Variants in TJP1 observed in about 807,000 individuals in gnomAD.
The protein encoded by TJP1 is tight junction protein ZO-1.
Under a neutral mutation model 194.2 loss-of-function variants are expected in TJP1, and 43 were observed. The observed-to-expected ratio is 0.22, with a 90% confidence interval of 0.17 to 0.29. The LOEUF (loss-of-function observed/expected upper bound fraction) is 0.29, where lower values mean the gene tolerates loss of function less well. Ranked by LOEUF, TJP1 falls within the 10% of genes least tolerant of loss-of-function variation. The probability of loss-of-function intolerance (pLI) is 1.00; values close to 1 mark genes in which losing one functional copy is unlikely to be tolerated. For synonymous variants in TJP1, 801 were observed against 779.0 expected (o/e 1.03, Z -0.47); for missense variants, 1,971 against 2,185.7 (o/e 0.90, Z 1.96).
intron 10 of TJP1, among the ~76,000 whole-genome samples, chr15:29,738,866 A>T (rs897370775): frequency 2.9e-4 from 2 of 7,000 alleles, no homozygotes; most frequent in Non-Finnish European, 9.0e-4. Flanking sequence ...TGTCACTACT[A>T]AAAAAAAAAA....
Position 29,761,257 on chromosome 15 carries a change from C to A in TJP1, c.892G>T (p.Asp298Tyr). Reference protein sequence around the residue: ...DISEIQSLASDHSGRSHDRPP... With the variant: ...DISEIQSLASYHSGRSHDRPP... ...CTATCGTGTGATCGACCAGAATGAT[C>A]TGATGCCAGTGACTGAATTTCTGAA... The change falls in exon 8 of 28, where the codon GAT becomes TAT. Residue 298 changes from aspartate (D) to tyrosine (Y), a missense_variant. Asp to Tyr is a radical substitution (Grantham distance 160). Around this residue, in one of 5 missense-constraint regions of TJP1, gnomAD observed 192 missense variants for 182.3 expected, o/e 1.05. Transcript: ENST00000614355. The A allele has an allele frequency of 6.2e-7, 1 of 1,613,920 alleles. No individual in the cohort carries two copies. The highest frequency in any genetic ancestry group is 8.5e-7 in the Non-Finnish European group (1 of 1,179,962).
At position 29,719,226 on chromosome 15, in the gene TJP1, T is replaced by C. The variant is rs922947052; in HGVS notation, c.3004-88A>G. 1.3e-5 allele frequency: 17 copies of C among 1,336,636 alleles called. No homozygotes were observed. In the African/African-American group the frequency reaches 2.1e-4, roughly 16 times the overall value. 82.8% of individuals were successfully genotyped at this position (1,336,636 alleles called of 1,614,324 possible). A position where few individuals can be genotyped will look rare whatever the true frequency, so the allele number is the denominator to read the frequency against. On this transcript the variant is annotated intron_variant, in intron 20 of 27. Transcript: ENST00000614355. ...ACTGTGATTAAATATTAAACTACGA[T>C]TTAATATGTGAAAATGGTATGTTTT...
intron 2 of TJP1, among the ~76,000 whole-genome samples, chr15:29,946,495 T>C (rs1278597526): frequency 3.3e-5 from 5 of 152,258 alleles, no homozygotes; most frequent in African/African-American, 7.2e-5. Flanking sequence ...CCTCAGGGCA[T>C]GCGCCCTGAT....
intron 1 of TJP1, among the ~76,000 whole-genome samples, chr15:29,817,510 C>A (rs1162678905): frequency 6.6e-6 from 1 of 152,134 alleles, no homozygotes; most frequent in Non-Finnish European, 1.5e-5. Flanking sequence ...ATAAATCATT[C>A]TCCTATAAAG....
At chr15:29,912,725 A>AAAAG (rs2054060251) in intron 2 of TJP1, among the ~76,000 whole-genome samples, 1 of 129,306 alleles carries the variant, frequency 7.7e-6, no homozygotes, top group Non-Finnish European at 1.7e-5. Context: ...AAAAAAAAAG[A>AAAAG]GGGAGCTTGG....
chr15:29,772,289 C>A, intron 3 of TJP1, 123 bp from the exon 4 acceptor site: 1 of 593,220 alleles, frequency 1.7e-6, no homozygotes, highest in South Asian at 2.4e-5. Flanking sequence ...ATTAATTTCT[C>A]TTCAGATCAA....
At chr15:29,920,964 T>C (rs1024891936) in intron 2 of TJP1, among the ~76,000 whole-genome samples, 1 of 152,130 alleles carries the variant, frequency 6.6e-6, no homozygotes, top group African/African-American at 2.4e-5. Context: ...GTAAAACATG[T>C]GAAATGGACA....
intron 18 of TJP1, among the ~76,000 whole-genome samples, chr15:29,723,540 G>A (rs79096051): frequency 2.0e-5 from 3 of 152,130 alleles, no homozygotes; most frequent in Non-Finnish European, 4.4e-5. Context: ...TAAGTTACCC[G>A]GTCTCAGGTA....
upstream of TJP1, among the ~76,000 whole-genome samples, chr15:29,826,712 T>TACTA (rs1567110541): frequency 6.6e-6 from 1 of 152,034 alleles, no homozygotes. Flanking sequence ...TCAAGCGTCT[T>TACTA]CTAGTGTTTC....
chr15:29,884,771 C>T (rs1047509376), intron 2 of TJP1, among the ~76,000 whole-genome samples: 12 of 152,086 alleles, frequency 7.9e-5, no homozygotes, highest in Non-Finnish European at 2.9e-5. Flanking sequence ...CAAAGAGGTA[C>T]AGTTCAAGGA....
chr15:29,870,988 G>C (rs1355327467), intron 2 of TJP1, among the ~76,000 whole-genome samples: 1 of 152,236 alleles, frequency 6.6e-6, no homozygotes, highest in Non-Finnish European at 1.5e-5. Context: ...CCAGGACACA[G>C]AGGGCTTCCC....
Position 29,701,060 on chromosome 15 carries a change from T to C in TJP1, c.*535A>G, listed in dbSNP as rs2041511519. The C allele has an allele frequency of 6.5e-6, 1 of 153,564 alleles. No homozygotes were observed. Among genetic ancestry groups the C allele is most frequent in the African/African-American group, 2.4e-5 (1 of 41,486 alleles). 9.5% of individuals were successfully genotyped at this position (153,564 alleles called of 1,614,324 possible). On this transcript the variant is annotated 3_prime_UTR_variant, in exon 28 of 28. Coordinates refer to ENST00000614355, the MANE Select transcript of TJP1 (RefSeq NM_001330239.4). ...ATGTGTTTTCATGTACAGTAAGTCA[T>C]TGTCTTCACTTCACCCTCCCCCAGT...
At chr15:29,722,529 G>C (rs1197532305) in intron 18 of TJP1, among the ~76,000 whole-genome samples, 1 of 151,588 alleles carries the variant, frequency 6.6e-6, no homozygotes, top group African/African-American at 2.4e-5. Context: ...GGAAATGCCT[G>C]GATGTCCAGG....
rs533209853 is a variant in TJP1, at chr15:29,741,683, A to G, written c.1151-247T>C. ...TGAAAAATCTATTCTTTAAGAACGAATAACAAAAAATAGATATGAGAAGAG... is the reference window on the plus strand; with the variant it reads ...TGAAAAATCTATTCTTTAAGAACGAGTAACAAAAAATAGATATGAGAAGAG... On this transcript the variant is annotated intron_variant, in intron 9 of 27. Coordinates refer to ENST00000614355, the MANE Select transcript of TJP1 (RefSeq NM_001330239.4). 2.0e-4 allele frequency among the ~76,000 whole-genome samples: 30 copies of G among 152,346 alleles called. No homozygotes were observed. In the South Asian group the frequency reaches 6.2e-3, roughly 32 times the overall value.
chr15:29,911,413 TA>T (rs781565677), intron 2 of TJP1, among the ~76,000 whole-genome samples: 2 of 152,180 alleles, frequency 1.3e-5, no homozygotes, highest in Non-Finnish European at 2.9e-5. Flanking sequence ...CATGTTTCTA[TA>T]AAAAACTACC....
intron 5 of TJP1, among the ~76,000 whole-genome samples, chr15:29,764,334 G>A (rs191017341): frequency 3.2e-4 from 49 of 152,250 alleles, no homozygotes; most frequent in Non-Finnish European, 6.5e-4. Flanking sequence ...CGGCTGAAAA[G>A]TTCAAAACAA....
intron 2 of TJP1, among the ~76,000 whole-genome samples, chr15:29,855,473 T>C (rs1488976637): frequency 2.6e-5 from 4 of 152,228 alleles, no homozygotes; most frequent in Admixed American, 2.6e-4. Flanking sequence ...ACACATTGTA[T>C]ACATGTATCA....
intron 1 of TJP1, among the ~76,000 whole-genome samples, chr15:29,804,944 T>C (rs1197871205): frequency 6.6e-6 from 1 of 152,114 alleles, no homozygotes; most frequent in Admixed American, 6.5e-5. Flanking sequence ...AGAAACGTGA[T>C]CTTAATTTTC....
intron 2 of TJP1, among the ~76,000 whole-genome samples, chr15:29,792,013 A>G (rs1042749415): frequency 3.3e-5 from 5 of 150,994 alleles, no homozygotes; most frequent in African/African-American, 1.2e-4. Context: ...AGCTCCTTAC[A>G]TATTCTGGTT....
Sources: allele counts gnomAD v4.1 joint callset (sites outside exome capture counted in the v4.1 genomes callset), GRCh38; gene constraint gnomAD v4.1.1; regional missense constraint gnomAD v4.1.1; transcripts MANE v1.5; gene names NCBI Gene and HGNC (gene_info 2026-07-23, HGNC 2026-07-21).